Variants in FRMPD2 observed in about 807,000 individuals in gnomAD.
FRMPD2 encodes FERM and PDZ domain containing 2.
FRMPD2 carries 96 observed loss-of-function variants against 140.1 expected under a neutral mutation model. The ratio of observed to expected loss-of-function variants is 0.69; its 90% CI spans 0.58 to 0.81. The LOEUF (loss-of-function observed/expected upper bound fraction) is 0.81. Ranked by LOEUF, FRMPD2 falls within the 40% of genes least tolerant of loss-of-function variation. FRMPD2 has a pLI of 0.00. For synonymous variants in FRMPD2, 449 were observed against 547.6 expected, an observed-to-expected ratio of 0.82 and a Z score of 2.52; for missense variants, 1,240 against 1,447.4, an observed-to-expected ratio of 0.86 and a Z score of 2.32.
intron 1 of FRMPD2, among the ~76,000 whole-genome samples, chr10:48,263,102 A>T (rs1177597006): frequency 6.6e-6 from 1 of 152,218 alleles, no homozygotes; most frequent in Non-Finnish European, 1.5e-5. Context: ...TAAAATAAAA[A>T]ATATTTTTAA....
chr10:48,182,186 T>C (rs1382245416), intron 20 of FRMPD2, among the ~76,000 whole-genome samples: 1 of 152,050 alleles, frequency 6.6e-6, no homozygotes, highest in African/African-American at 2.4e-5. Flanking sequence ...CAGCAGGGAG[T>C]GGCAGGGCCA....
At chr10:48,226,909 A>T (rs550507650) in intron 10 of FRMPD2, among the ~76,000 whole-genome samples, 1 of 152,322 alleles carries the variant, frequency 6.6e-6, no homozygotes, top group Admixed American at 6.5e-5. Flanking sequence ...AGGATAAAGG[A>T]TGGAAGTAGA....
chr10:48,239,594 T>C lies in FRMPD2; in HGVS notation c.788+11A>G, dbSNP rs1430732662. 2 of 1,610,620 alleles carry C rather than the reference T, an allele frequency of 1.2e-6. No homozygotes were observed. Among genetic ancestry groups the C allele is most frequent in the Admixed American group, 1.7e-5 (1 of 60,008 alleles). ...TCAAGTTCACAGCACCCTTTAGGCC[T>C]TGCTGCTTACCGGTTAACAAGGAGG... is the stretch of plus-strand genomic sequence containing the variant. On this transcript the variant is annotated intron_variant, in intron 7 of 28. Coordinates refer to ENST00000374201, the MANE Select transcript of FRMPD2 (RefSeq NM_001018071.4).
At chr10:48,206,093 T>C (rs1386974477) in intron 14 of FRMPD2, among the ~76,000 whole-genome samples, 1 of 152,222 alleles carries the variant, frequency 6.6e-6, no homozygotes, top group Non-Finnish European at 1.5e-5. Context: ...AGGCAGAGGC[T>C]GTCAGCCACC....
chr10:48,239,573 G>C (rs1354941619), intron 7 of FRMPD2, 32 bp downstream of exon 7: 1 of 1,555,432 alleles, frequency 6.4e-7, no homozygotes, highest in Admixed American at 1.7e-5. Flanking sequence ...CTCACATCAA[G>C]TTCACAGCAC....
At position 48,236,487 on chromosome 10, in the gene FRMPD2, C is replaced by G; in HGVS notation, c.988G>C (p.Val330Leu). Residue 330 changes from valine to leucine, a missense_variant, in exon 9 of 29, where the codon GTT becomes CTT. By Grantham distance (32) the Val-to-Leu change is conservative (BLOSUM62 1). Transcript: ENST00000374201. ...APMTLHLPGS[V>L]VTKKGKSYLA... ...CAGTCTAGCCCAGTAGTTACCACAACCGATCCCGGCAGATGTAGTGTCATC... is the reference window on the plus strand; with the variant it reads ...CAGTCTAGCCCAGTAGTTACCACAAGCGATCCCGGCAGATGTAGTGTCATC... The G allele has an allele frequency of 6.2e-7, 1 of 1,614,160 alleles. No homozygotes were observed. The highest frequency in any genetic ancestry group is 8.5e-7 in the Non-Finnish European group (1 of 1,179,986).
intron 16 of FRMPD2, among the ~76,000 whole-genome samples, chr10:48,189,303 G>A (rs1838772688): frequency 6.6e-6 from 1 of 152,202 alleles, no homozygotes; most frequent in Non-Finnish European, 1.5e-5. Context: ...ATGTGGAGGA[G>A]CCACACCTTC....
intron 12 of FRMPD2, among the ~76,000 whole-genome samples, chr10:48,212,957 T>C (rs2131885749): frequency 6.6e-6 from 1 of 152,338 alleles, no homozygotes; most frequent in Admixed American, 6.5e-5. Flanking sequence ...TATTCCCAGA[T>C]CAACATGTCC....
intron 1 of FRMPD2, among the ~76,000 whole-genome samples, chr10:48,269,607 G>A (rs545619862): frequency 1.2e-4 from 18 of 152,352 alleles, no homozygotes; most frequent in African/African-American, 2.9e-4. Context: ...CAGGCCGTCC[G>A]TGGGTTCCCA....
intron 16 of FRMPD2, among the ~76,000 whole-genome samples, chr10:48,189,114 T>G (rs1838766746): frequency 6.6e-6 from 1 of 152,190 alleles, no homozygotes; most frequent in Non-Finnish European, 1.5e-5. Flanking sequence ...TTTAAAAACA[T>G]TTTAAACGTG....
At chr10:48,232,415 T>C (rs1394933919) in intron 9 of FRMPD2, 126 bp from the exon 10 acceptor site, 8 of 683,134 alleles carry the variant, frequency 1.2e-5, no homozygotes, top group South Asian at 2.0e-5. Context: ...AAAAGATAAG[T>C]ATATTTACAA....
Position 48,229,027 on chromosome 10 carries a change from A to G in FRMPD2, c.1168+3088T>C, listed in dbSNP as rs552952369. Among the ~76,000 whole-genome samples the G allele has an allele frequency of 4.6e-5, 7 of 152,186 alleles. No homozygotes were observed. In the East Asian group the frequency reaches 1.2e-3, roughly 25 times the overall value. ...TATGTTTTTCTAAAATTGAGCCTTAATATCAATAGCATACTTGTGCAAAAC... is the reference window on the plus strand; with the variant it reads ...TATGTTTTTCTAAAATTGAGCCTTAGTATCAATAGCATACTTGTGCAAAAC... On this transcript the variant is annotated intron_variant, in intron 10 of 28. Transcript: ENST00000374201.
chr10:48,185,625 T>G lies in FRMPD2; in HGVS notation c.2287A>C (p.Lys763Gln). The G allele has an allele frequency of 6.2e-7, 1 of 1,613,864 alleles. No individual in the cohort carries two copies. Among genetic ancestry groups the G allele is most frequent in the Non-Finnish European group, 8.5e-7 (1 of 1,179,724 alleles). The change falls in exon 18 of 29, where the codon AAG (lysine) becomes CAG (glutamine). Residue 763 changes from lysine to glutamine, a missense_variant. By Grantham distance (53) the Lys-to-Gln change is moderately conservative. Transcript: ENST00000374201. ...CGGCCCGGTTCAGCTATAAAGCTCTTCCTCCTATTATTCTTTGAGCCTAGA... is the reference window on the plus strand; with the variant it reads ...CGGCCCGGTTCAGCTATAAAGCTCTGCCTCCTATTATTCTTTGAGCCTAGA... The part of the protein sequence containing the change: ...MHAGSKNNRR[K>Q]SFIAEPGREI...
Position 48,243,010 on chromosome 10 carries a change from A to G in FRMPD2, c.376-658T>C, listed in dbSNP as rs192683307. Among the ~76,000 whole-genome samples the G allele has an allele frequency of 2.8e-3, 426 of 152,276 alleles. 6 individuals are homozygous for G. The highest frequency in any genetic ancestry group is 1.6e-3 in the Non-Finnish European group (112 of 68,008). Reference sequence around the variant, plus strand: ...TCAGACTTTTTCTCAAGCTCAACACACACTGCAGGTCACTTTCCAGATAAA... The same window carrying G: ...TCAGACTTTTTCTCAAGCTCAACACGCACTGCAGGTCACTTTCCAGATAAA... On this transcript the variant is annotated intron_variant, in intron 4 of 28. Transcript: ENST00000374201.
intron 1 of FRMPD2, among the ~76,000 whole-genome samples, chr10:48,257,500 T>G (rs1840511950): frequency 6.6e-6 from 1 of 151,990 alleles, no homozygotes; most frequent in Admixed American, 6.5e-5. Flanking sequence ...GGCTAGTCTC[T>G]AACTCCTCAC....
At chr10:48,196,687 G>A (rs776424105) in intron 15 of FRMPD2, among the ~76,000 whole-genome samples, 5 of 152,184 alleles carry the variant, frequency 3.3e-5, no homozygotes, top group Admixed American at 6.5e-5. Flanking sequence ...GTCAGTTCTC[G>A]GCTGCATGTA....
chr10:48,236,518 C>T lies in FRMPD2; in HGVS notation c.957G>A (p.Glu319=), dbSNP rs1476350246. The change falls in exon 9 of 29, where the codon GAG becomes GAA. Residue 319 remains glutamate, a synonymous_variant. Coordinates refer to ENST00000374201, the MANE Select transcript of FRMPD2 (RefSeq NM_001018071.4). ...CCGGCAGATGTAGTGTCATCGGGGC[C>T]TCTCCAGCCAACAGGATGAACTCTG... The part of the protein sequence containing the change: ...SRPEFILLAG[E]APMTLHLPGS... 6.2e-7 allele frequency: 1 copy of T among 1,614,086 alleles called. No individual in the cohort carries two copies.
rs1454869442 is a variant in FRMPD2, at chr10:48,188,527, G to A, written c.2166-1235C>T. Among the ~76,000 whole-genome samples, 6 of 152,338 alleles carry A rather than the reference G, an allele frequency of 3.9e-5. 1 individual carries two copies. In the South Asian group the frequency reaches 1.2e-3, roughly 32 times the overall value. ...AGCTCCAAGGCACTGAGGGTAAAGG[G>A]TGGGTCAGGCATGGGCCCTGTCCTC... is the stretch of plus-strand genomic sequence containing the variant. On this transcript the variant is annotated intron_variant, in intron 16 of 28. Transcript: ENST00000374201.
intron 12 of FRMPD2, among the ~76,000 whole-genome samples, chr10:48,215,723 TG>T (rs1241287981): frequency 1.3e-5 from 2 of 151,970 alleles, no homozygotes; most frequent in Non-Finnish European, 2.9e-5. Flanking sequence ...GATCTGGGGA[TG>T]GGGAAGCAGA....
Sources: gnomAD v4.1 joint callset for allele counts (sites outside exome capture counted in the v4.1 genomes callset) on GRCh38, gnomAD v4.1.1 for gene constraint, MANE v1.5 for transcripts, NCBI Gene and HGNC (gene_info 2026-07-23, HGNC 2026-07-21) for gene names.